MACROH2A1: variants seen among roughly 807,000 people sequenced by gnomAD.
The protein encoded by MACROH2A1 is core histone macro-H2A.1.
Under a neutral mutation model 31.6 loss-of-function variants are expected in MACROH2A1, and 2 were observed. The observed-to-expected ratio is 0.06, with a 90% CI of 0.03 to 0.20. The LOEUF (loss-of-function observed/expected upper bound fraction) is 0.20, where lower values mean the gene tolerates loss of function less well. Ranked by LOEUF, MACROH2A1 falls within the 10% of genes least tolerant of loss-of-function variation. The pLI is 1.00. For synonymous variants in MACROH2A1, 169 were observed against 189.6 expected, an observed-to-expected ratio of 0.89 and a Z score of 0.89; for missense variants, 230 against 474.0, an observed-to-expected ratio of 0.49 and a Z score of 4.78.
chr5:135,349,462 A>C (rs1561586595), intron 6 of MACROH2A1, among the ~76,000 whole-genome samples: 1 of 152,136 alleles, frequency 6.6e-6, no homozygotes, highest in Non-Finnish European at 1.5e-5. Flanking sequence ...GCAAATTCTG[A>C]CTTTCCATCC....
chr5:135,379,435 A>G (rs541132188), intron 2 of MACROH2A1, among the ~76,000 whole-genome samples: 5 of 152,290 alleles, frequency 3.3e-5, no homozygotes, highest in Non-Finnish European at 7.4e-5. Context: ...TGGCAAACCC[A>G]AAGAGGTTTT....
intron 1 of MACROH2A1, among the ~76,000 whole-genome samples, chr5:135,393,590 CAGG>C (rs1767552834): frequency 6.6e-6 from 1 of 152,240 alleles, no homozygotes; most frequent in African/African-American, 2.4e-5. Flanking sequence ...AAGCTGGTCA[CAGG>C]AGAACAGCTA....
intron 2 of MACROH2A1, among the ~76,000 whole-genome samples, chr5:135,371,009 G>A (rs1764109131): frequency 6.6e-6 from 1 of 152,162 alleles, no homozygotes; most frequent in Admixed American, 6.5e-5. Context: ...AAGCTCTAAG[G>A]AATAAAGCAA....
chr5:135,355,322 C>T (rs1027791146), intron 5 of MACROH2A1: 1 of 452,290 alleles, frequency 2.2e-6, no homozygotes, highest in Non-Finnish European at 4.5e-6. Context: ...CATCCCCACT[C>T]TTGGAAGTGC....
intron 2 of MACROH2A1, among the ~76,000 whole-genome samples, chr5:135,386,671 G>A (rs1766450167): frequency 6.6e-6 from 1 of 152,160 alleles, no homozygotes; most frequent in Non-Finnish European, 1.5e-5. Flanking sequence ...CATGGGAATG[G>A]ACTGCTGATA....
intron 5 of MACROH2A1, chr5:135,358,939 G>A: frequency 4.1e-6 from 4 of 985,484 alleles, no homozygotes; most frequent in Non-Finnish European, 4.8e-6. Flanking sequence ...TGTCTGTGGT[G>A]TTTGCCCCCT....
intron 8 of MACROH2A1, among the ~76,000 whole-genome samples, chr5:135,341,688 G>C (rs1759898886): frequency 6.6e-6 from 1 of 152,248 alleles, no homozygotes; most frequent in African/African-American, 2.4e-5. Context: ...TGGGACCTCA[G>C]TGATGGCAGC....
At chr5:135,374,585 T>C (rs1171443866) in intron 2 of MACROH2A1, among the ~76,000 whole-genome samples, 1 of 152,144 alleles carries the variant, frequency 6.6e-6, no homozygotes, top group African/African-American at 2.4e-5. Flanking sequence ...TGCCTCAAAG[T>C]GAATGGAGCC....
rs1393121330 is a variant in MACROH2A1 at position 135,389,164 on chromosome 5, G to C, written c.-33-38C>G. ...GAGGCACACCGGTCAGGGTGGCTGG[G>C]GACAGCACATGTCCCCTTTCCAGGT... On this transcript the variant is annotated intron_variant, in intron 1 of 8. Coordinates refer to ENST00000511689, the MANE Select transcript of MACROH2A1 (RefSeq NM_138610.3). 3 of 1,489,336 alleles carry C rather than the reference G, an allele frequency of 2.0e-6. No homozygotes were observed. The East Asian group carries it at 6.9e-5, about 34-fold the overall frequency. The allele number at this position is 1,489,336 out of a possible 1,614,324, so 92.3% of individuals were successfully genotyped here. A position where few individuals can be genotyped will look rare whatever the true frequency, so the allele number is the denominator to read the frequency against.
chr5:135,389,161 T>A, intron 1 of MACROH2A1, 35 bp from the exon 2 acceptor site: 3 of 1,515,708 alleles, frequency 2.0e-6, no homozygotes, highest in Non-Finnish European at 2.7e-6. Context: ...TCAGGGTGGC[T>A]GGGGACAGCA....
At chr5:135,360,962 A>G (rs527590627) in intron 4 of MACROH2A1, 3 of 380,892 alleles carry the variant, frequency 7.9e-6, no homozygotes, top group African/African-American at 6.3e-5. Flanking sequence ...GATGTCTGTA[A>G]TACTATTCAA....
rs1021429370 is a variant in MACROH2A1 at position 135,394,351 on chromosome 5, T to C, written c.-34+4711A>G. Among the ~76,000 whole-genome samples, 5 of 152,232 alleles carry C rather than the reference T, an allele frequency of 3.3e-5. No homozygotes were observed. In the South Asian group the frequency reaches 8.3e-4, roughly 25 times the overall value. ...TGCTCCCTCTTCTGCATTCCTGCCA[T>C]GGCCATGCCTTCTGTCAGTCACAGT... On this transcript the variant is annotated intron_variant, in intron 1 of 8. Transcript: ENST00000511689.
intron 2 of MACROH2A1, among the ~76,000 whole-genome samples, chr5:135,380,042 T>C (rs1322828777): frequency 1.3e-5 from 2 of 152,198 alleles, no homozygotes; most frequent in East Asian, 3.9e-4. Flanking sequence ...CTAATCATGT[T>C]TCATTTAAAA....
chr5:135,390,945 T>C (rs1048112130), intron 1 of MACROH2A1, among the ~76,000 whole-genome samples: 41 of 152,136 alleles, frequency 2.7e-4, no homozygotes, highest in Admixed American at 2.4e-3. Context: ...TCTGGAGTGA[T>C]GTTAGAAGAG....
At chr5:135,375,764 T>G (rs1354182211) in intron 2 of MACROH2A1, among the ~76,000 whole-genome samples, 1 of 152,132 alleles carries the variant, frequency 6.6e-6, no homozygotes, top group Non-Finnish European at 1.5e-5. Context: ...GGAGAAAACA[T>G]GTTTGCTACA....
rs1389428257 is a variant in MACROH2A1, at chr5:135,362,241, G to GT, written c.478-1635dup. On this transcript the variant is annotated intron_variant, in intron 4 of 8. Transcript: ENST00000511689. ...AGAAAATAGACTGGTGAAGTTAACA[G>GT]TAATGGACCAGTGTTGATTTCCTTG... 5 of 152,230 alleles carry GT rather than the reference G, an allele frequency of 3.3e-5. No individual in the cohort carries two copies. The East Asian group carries it at 9.6e-4, about 29-fold the overall frequency. 9.4% of individuals were successfully genotyped at this position (152,230 alleles called of 1,614,324 possible). A position where few individuals can be genotyped will look rare whatever the true frequency, so the allele number is the denominator to read the frequency against.
chr5:135,387,194 T>C (rs1165490023), intron 2 of MACROH2A1, among the ~76,000 whole-genome samples: 1 of 152,198 alleles, frequency 6.6e-6, no homozygotes, highest in African/African-American at 2.4e-5. Flanking sequence ...CCTGGGTGTG[T>C]CACCTAAGTT....
At chr5:135,393,532 C>G (rs189609421) in intron 1 of MACROH2A1, among the ~76,000 whole-genome samples, 1 of 152,350 alleles carries the variant, frequency 6.6e-6, no homozygotes, top group African/African-American at 2.4e-5. Flanking sequence ...AGCCCTACAT[C>G]ATAGACAAAG....
intron 4 of MACROH2A1, among the ~76,000 whole-genome samples, chr5:135,363,063 T>C (rs1235786567): frequency 6.6e-6 from 1 of 152,160 alleles, no homozygotes; most frequent in Admixed American, 6.5e-5. Context: ...AAGCCTTAGA[T>C]TCCTTATTTG....
Sources: allele counts gnomAD v4.1 joint callset (sites outside exome capture counted in the v4.1 genomes callset), GRCh38; gene constraint gnomAD v4.1.1; transcripts MANE v1.5; gene names NCBI Gene and HGNC (gene_info 2026-07-23, HGNC 2026-07-21).